The following PRMT2 variants were observed in gnomAD, a reference collection of about 807,000 sequenced individuals.
PRMT2 encodes protein arginine N-methyltransferase 2.
In PRMT2, 26 loss-of-function variants were observed where a neutral mutation model predicts 57.6. That is an observed-to-expected ratio of 0.45 (90% CI 0.33 to 0.63). PRMT2 has a LOEUF of 0.63. Among genes scored for constraint, PRMT2 ranks in the 20% least tolerant of loss-of-function variants. The pLI, the probability that PRMT2 is intolerant of heterozygous loss-of-function variation, is 0.02. For missense variants in PRMT2, 472 were observed against 564.4 expected, an observed-to-expected ratio of 0.84 and a Z score of 1.66; for synonymous variants, 219 against 220.0, an observed-to-expected ratio of 1.00 and a Z score of 0.04.
At chr21:46,664,243 T>C in intron 11 of PRMT2, 52 bp from the exon 12 acceptor site, 1 of 1,434,906 alleles carries the variant, frequency 7.0e-7, no homozygotes, top group Non-Finnish European at 9.8e-7. Flanking sequence ...ATGTAGTATG[T>C]TAATCAAATG....
intron 8 of PRMT2, among the ~76,000 whole-genome samples, 161 bp from the exon 9 acceptor site, chr21:46,660,672 G>A (rs1180631386): frequency 2.0e-5 from 3 of 152,210 alleles, no homozygotes; most frequent in African/African-American, 7.2e-5. Flanking sequence ...CCCAGGGCCT[G>A]TGGAGGCCTG....
At position 46,649,826 on chromosome 21, in the gene PRMT2, G is replaced by T. The variant is rs1300124706; in HGVS notation, c.654+87G>T. 3 of 1,546,182 alleles carry T rather than the reference G, an allele frequency of 1.9e-6. No homozygotes were observed. In the East Asian group the frequency reaches 7.3e-5, roughly 38 times the overall value. ...GCTGGGCCAACCTCAGGATCTCAAG[G>T]GTCGTGCGTGATTCATTTTGATGTT... On this transcript the variant is annotated intron_variant, in intron 7 of 11. Coordinates refer to ENST00000355680, the MANE Select transcript of PRMT2 (RefSeq NM_206962.4). This position sits in a 1 kb window ranked among gnomAD's most constrained non-coding sequence, Gnocchi z 4.8.
chr21:46,652,834 G>T (rs750041504), intron 7 of PRMT2: 1 of 1,278,438 alleles, frequency 7.8e-7, no homozygotes, highest in South Asian at 1.3e-5. Context: ...CCTAATTTGC[G>T]TTATCATTAG....
chr21:46,655,616 A>G (rs2061531197), intron 7 of PRMT2, among the ~76,000 whole-genome samples: 1 of 152,216 alleles, frequency 6.6e-6, no homozygotes, highest in African/African-American at 2.4e-5. Flanking sequence ...AAATTTCCTA[A>G]AACTAGTAAG....
intron 3 of PRMT2, among the ~76,000 whole-genome samples, chr21:46,640,109 A>G (rs1197464210): frequency 6.6e-6 from 1 of 152,122 alleles, no homozygotes; most frequent in African/African-American, 2.4e-5. Flanking sequence ...TTTTTTAACT[A>G]CTTCATAAGG....
intron 7 of PRMT2, among the ~76,000 whole-genome samples, chr21:46,654,346 G>A (rs1415745802): frequency 6.6e-6 from 1 of 152,202 alleles, no homozygotes; most frequent in African/African-American, 2.4e-5. Context: ...TACAGAGTAT[G>A]TACAGTATGA....
At chr21:46,647,286 G>C (rs76983185) in intron 5 of PRMT2, among the ~76,000 whole-genome samples, 4 of 151,026 alleles carry the variant, frequency 2.6e-5, no homozygotes, top group African/African-American at 9.8e-5. Context: ...TTGTTGATTC[G>C]TGTGTTAAGT....
Position 46,649,745 on chromosome 21 carries a change from G to A in PRMT2, c.654+6G>A. ...GGATGGGGACCTGCCTGCTGGTGAG[G>A]GCGGGCGTGCGGGCAGCTGGGGGCC... On this transcript the variant is annotated splice_donor_region_variant and intron_variant, in intron 7 of 11. Coordinates refer to ENST00000355680, the MANE Select transcript of PRMT2 (RefSeq NM_206962.4). This position sits in a 1 kb window ranked among gnomAD's most constrained non-coding sequence, Gnocchi z 4.8. 6.2e-7 allele frequency: 1 copy of A among 1,612,080 alleles called. No homozygotes were observed. Among genetic ancestry groups the A allele is most frequent in the Non-Finnish European group, 8.5e-7 (1 of 1,179,186 alleles).
chr21:46,664,433 A>C lies in PRMT2; in HGVS notation c.*106A>C. 4 of 1,403,914 alleles carry C rather than the reference A, an allele frequency of 2.8e-6. No homozygotes were observed. The South Asian group carries it at 4.6e-5, about 16-fold the overall frequency. 87.0% of individuals were successfully genotyped at this position (1,403,914 alleles called of 1,614,324 possible). On this transcript the variant is annotated 3_prime_UTR_variant, in exon 12 of 12. Transcript: ENST00000355680. ...TGCACACTCCTGCGAAAGTCGGTGA[A>C]CATTCACTCCACATTGACCCCTCCC... is the stretch of plus-strand genomic sequence containing the variant.
chr21:46,649,153 C>T lies in PRMT2; in HGVS notation c.490-422C>T, dbSNP rs753728752. On this transcript the variant is annotated intron_variant, in intron 6 of 11. Coordinates refer to ENST00000355680, the MANE Select transcript of PRMT2 (RefSeq NM_206962.4). The surrounding 1 kb of genome is among the most constrained non-coding windows in gnomAD (Gnocchi z 4.8). ...AGGCTCTGCAGGACCCAGGACCCAGCGCTTGGGTGCTTCCCACCAGACCCT... is the reference window on the plus strand; with the variant it reads ...AGGCTCTGCAGGACCCAGGACCCAGTGCTTGGGTGCTTCCCACCAGACCCT... Among the ~76,000 whole-genome samples the T allele has an allele frequency of 2.6e-5, 4 of 152,202 alleles. No individual in the cohort carries two copies. The highest frequency in any genetic ancestry group is 6.5e-5 in the Admixed American group (1 of 15,292).
In PRMT2 at chr21:46,643,519, C is replaced by A; in HGVS notation, c.40-16C>A. ...CTCCAGCGTCCTCTCCTCACGCTTT[C>A]CTTGGCTTTGAGCAGGGAGAAGAGC... On this transcript the variant is annotated splice_polypyrimidine_tract_variant and intron_variant, in intron 3 of 11. Transcript: ENST00000355680. 1 of 1,520,046 alleles carries A rather than the reference C, an allele frequency of 6.6e-7. No individual in the cohort carries two copies. The highest frequency in any genetic ancestry group is 8.8e-7 in the Non-Finnish European group (1 of 1,138,530). The allele number at this position is 1,520,046 out of a possible 1,614,324, so 94.2% of individuals were successfully genotyped here. A position where few individuals can be genotyped will look rare whatever the true frequency, so the allele number is the denominator to read the frequency against.
chr21:46,639,862 T>G (rs2061240919), intron 3 of PRMT2, among the ~76,000 whole-genome samples: 2 of 152,186 alleles, frequency 1.3e-5, no homozygotes, highest in Non-Finnish European at 2.9e-5. Context: ...GAGTATTTAG[T>G]CTATTAACAC....
At position 46,661,903 on chromosome 21, in the gene PRMT2, C is replaced by T. The variant is rs941243940; in HGVS notation, c.1064C>T (p.Pro355Leu). The part of the protein sequence containing the change: ...VHFQSLQEGQ[P>L]PQVLSTGPFH... ...TTCCAGAGCCTGCAGGAGGGGCAGC[C>T]GCCGCAGGTGCTCAGCACCGGGCCC... Residue 355 changes from proline to leucine, a missense_variant, in exon 10 of 12, where the codon CCG becomes CTG. Transcript: ENST00000355680. 2.7e-6 allele frequency: 4 copies of T among 1,461,658 alleles called. No individual in the cohort carries two copies. The highest frequency in any genetic ancestry group is 2.7e-6 in the Non-Finnish European group (3 of 1,095,422). The allele number at this position is 1,461,658 out of a possible 1,614,324, so 90.5% of individuals were successfully genotyped here.
In PRMT2 at chr21:46,649,580, C is replaced by T. The variant is rs780317001; in HGVS notation, c.495C>T (p.Tyr165=). ...CAHYARPRAV[Y]AVEASEMAQH... Reference sequence around the variant, plus strand: ...CGGTGCCTCTGCTGCTGCAGGTGTACGCGGTGGAGGCCAGTGAGATGGCAC... The same window carrying T: ...CGGTGCCTCTGCTGCTGCAGGTGTATGCGGTGGAGGCCAGTGAGATGGCAC... The change falls in exon 7 of 12, where the codon TAC becomes TAT. Residue 165 remains tyrosine (Y), a synonymous_variant. Transcript: ENST00000355680. The surrounding 1 kb of genome is among the most constrained non-coding windows in gnomAD (Gnocchi z 4.8). 35 of 1,613,892 alleles carry T rather than the reference C, an allele frequency of 2.2e-5. No homozygotes were observed. Among genetic ancestry groups the T allele is most frequent in the Non-Finnish European group, 2.6e-5 (31 of 1,180,048 alleles).
chr21:46,661,714 G>A, intron 9 of PRMT2, 86 bp from the exon 10 acceptor site: 2 of 1,228,462 alleles, frequency 1.6e-6, no homozygotes, highest in Non-Finnish European at 2.1e-6. Flanking sequence ...CAGCGTCTGC[G>A]CGGGGCGCGT....
chr21:46,662,384 T>C (rs1016247912), intron 10 of PRMT2, among the ~76,000 whole-genome samples: 5 of 152,216 alleles, frequency 3.3e-5, no homozygotes, highest in African/African-American at 1.2e-4. Flanking sequence ...CCTGCAGGCC[T>C]TCCCTTTGGG....
intron 7 of PRMT2, chr21:46,658,429 C>A: frequency 3.9e-6 from 1 of 259,444 alleles, no homozygotes; most frequent in South Asian, 6.3e-5. Context: ...CTTTCAAAAT[C>A]TGGTAGCTAC....
Position 46,658,769 on chromosome 21 carries a change from C to A in PRMT2, c.679C>A (p.Leu227Met), listed in dbSNP as rs150177952. 1.9e-6 allele frequency: 3 copies of A among 1,614,180 alleles called. No homozygotes were observed. The East Asian group carries it at 6.7e-5, about 36-fold the overall frequency. Residue 227 changes from leucine to methionine, a missense_variant, in exon 8 of 12, where the codon CTG becomes ATG. Leu to Met is a conservative substitution (Grantham distance 15). Around this residue, in one of 2 missense-constraint regions of PRMT2, gnomAD observed 243 missense variants for 347.2 expected, o/e 0.70. Coordinates refer to ENST00000355680, the MANE Select transcript of PRMT2 (RefSeq NM_206962.4). ...GTTTGAGTTCATGATCGAGTCCATC[C>A]TGTATGCCCGGGATGCCTGGCTGAA... The part of the protein sequence containing the change: ...LLFEFMIESI[L>M]YARDAWLKED...
At chr21:46,647,934 T>C (rs1297887601) in intron 5 of PRMT2, among the ~76,000 whole-genome samples, 1 of 152,188 alleles carries the variant, frequency 6.6e-6, no homozygotes, top group East Asian at 1.9e-4. Flanking sequence ...TCACTGCACC[T>C]TTGTAGGATC....
Sources: gnomAD v4.1 joint callset for allele counts (sites outside exome capture counted in the v4.1 genomes callset) on GRCh38, gnomAD v4.1.1 for gene constraint, gnomAD v4.1.1 regional missense constraint, Gnocchi (gnomAD v3.1) non-coding constraint, MANE v1.5 for transcripts, NCBI Gene and HGNC (gene_info 2026-07-23, HGNC 2026-07-21) for gene names.